The following DIAPH3 variants were observed in gnomAD, a reference collection of about 807,000 sequenced individuals.
DIAPH3 encodes diaphanous related formin 3, also known as protein diaphanous homolog 3.
Under a neutral mutation model 144.3 loss-of-function variants are expected in DIAPH3, and 117 were observed. The ratio of observed to expected loss-of-function variants is 0.81; its 90% CI spans 0.70 to 0.95. DIAPH3 has a LOEUF of 0.95. Ranked by LOEUF, DIAPH3 falls within the 40% of genes least tolerant of loss-of-function variation. The pLI, the probability that DIAPH3 is intolerant of heterozygous loss-of-function variation, is 0.00. For missense variants in DIAPH3, 1,421 were observed against 1,412.7 expected (o/e 1.01, Z -0.09); for synonymous variants, 519 against 488.9 (o/e 1.06, Z -0.81).
At chr13:59,755,286 AC>A (rs1314926144) in intron 27 of DIAPH3, among the ~76,000 whole-genome samples, 1 of 152,178 alleles carries the variant, frequency 6.6e-6, no homozygotes, top group Non-Finnish European at 1.5e-5. Flanking sequence ...AGGTAGAATC[AC>A]CCACATGGTG....
At chr13:60,096,565 G>A (rs1179768196) in intron 3 of DIAPH3, among the ~76,000 whole-genome samples, 1 of 152,212 alleles carries the variant, frequency 6.6e-6, no homozygotes, top group African/African-American at 2.4e-5. Context: ...TCTTTCAGAA[G>A]AGATTGGCAC....
intron 17 of DIAPH3, among the ~76,000 whole-genome samples, chr13:59,958,919 A>G (rs545926551): frequency 3.9e-4 from 48 of 123,422 alleles, no homozygotes; most frequent in Admixed American, 1.1e-3. Context: ...CCTGTTGCCC[A>G]GGCTGGAGAG....
rs71089516 is a variant in DIAPH3 at position 59,802,667 on chromosome 13, ATTTTT to A, written c.3163+8116_3163+8120del. Among the ~76,000 whole-genome samples the A allele has an allele frequency of 9.3e-4, 22 of 23,766 alleles. 1 individual carries two copies. Among genetic ancestry groups the A allele is most frequent in the Admixed American group, 7.9e-3 (8 of 1,014 alleles). The allele number at this position is 23,766 out of a possible 152,430, so 15.6% of individuals were successfully genotyped here. ...CTATATTATTATTATTATTATTATT[ATTTTT>A]TTTTTTTTTTTTTTTTTTTTGAGAC... On this transcript the variant is annotated intron_variant, in intron 25 of 27. Transcript: ENST00000400324.
chr13:59,684,771 G>T (rs9528027), intron 27 of DIAPH3, among the ~76,000 whole-genome samples: 144,623 of 152,232 alleles, frequency 0.95, 69,114 homozygotes, highest in East Asian at 1. Context: ...TGTCTTTCAA[G>T]GTTGTACAAA....
intron 14 of DIAPH3, among the ~76,000 whole-genome samples, chr13:59,975,681 C>A (rs1318352200): frequency 6.6e-6 from 1 of 152,022 alleles, no homozygotes; most frequent in African/African-American, 2.4e-5. Context: ...ATTACAAAAA[C>A]TCTGTGAAAT....
intron 9 of DIAPH3, among the ~76,000 whole-genome samples, chr13:60,000,490 G>C (rs2052457944): frequency 1.3e-5 from 2 of 151,570 alleles, no homozygotes; most frequent in African/African-American, 4.8e-5. Flanking sequence ...ACAAGATCTG[G>C]GTCATCTTTA....
intron 17 of DIAPH3, among the ~76,000 whole-genome samples, chr13:59,937,903 G>A (rs2048340905): frequency 6.6e-6 from 1 of 151,866 alleles, no homozygotes; most frequent in African/African-American, 2.4e-5. Context: ...AGGAGGAGAA[G>A]GTAGAGACAA....
intron 27 of DIAPH3, among the ~76,000 whole-genome samples, chr13:59,700,822 T>C (rs1416680283): frequency 1.3e-5 from 2 of 152,210 alleles, no homozygotes; most frequent in African/African-American, 2.4e-5. Context: ...CCTTGTTAAA[T>C]CAACCATAAA....
In DIAPH3 at chr13:60,145,345, C is replaced by T. The variant is rs141722659; in HGVS notation, c.181-12356G>A. ...GATGATTACTAAATGATAACAACAA[C>T]ACTGACTACAAAACCACACCTTAAA... On this transcript the variant is annotated intron_variant, in intron 1 of 27. Coordinates refer to ENST00000400324, the MANE Select transcript of DIAPH3 (RefSeq NM_001042517.2). Among the ~76,000 whole-genome samples, 477 of 152,314 alleles carry T rather than the reference C, an allele frequency of 3.1e-3. 2 individuals are homozygous for T. Among genetic ancestry groups the T allele is most frequent in the African/African-American group, 0.011 (450 of 41,574 alleles).
At chr13:59,845,703 T>G (rs1424323532) in intron 22 of DIAPH3, among the ~76,000 whole-genome samples, 2 of 152,198 alleles carry the variant, frequency 1.3e-5, no homozygotes, top group Non-Finnish European at 2.9e-5. Context: ...TAACCATTCA[T>G]AATTTACAAG....
chr13:60,102,488 C>G (rs10400619), intron 3 of DIAPH3, among the ~76,000 whole-genome samples: 2 of 152,084 alleles, frequency 1.3e-5, no homozygotes, highest in Non-Finnish European at 2.9e-5. Flanking sequence ...TTTGCTCATC[C>G]TATTTTAGGA....
intron 27 of DIAPH3, among the ~76,000 whole-genome samples, chr13:59,687,875 C>T (rs916621444): frequency 6.6e-6 from 1 of 151,992 alleles, no homozygotes; most frequent in African/African-American, 2.4e-5. Context: ...ACAACTAAAA[C>T]TTTAATACTT....
At chr13:60,097,594 T>G (rs1305639548) in intron 3 of DIAPH3, among the ~76,000 whole-genome samples, 28 of 152,186 alleles carry the variant, frequency 1.8e-4, no homozygotes, top group South Asian at 2.1e-4. Flanking sequence ...GCCTCAGGTA[T>G]TCCTTTATGG....
chr13:59,907,662 G>A (rs961774552), intron 20 of DIAPH3, among the ~76,000 whole-genome samples: 16 of 152,158 alleles, frequency 1.1e-4, no homozygotes, highest in Non-Finnish European at 2.1e-4. Flanking sequence ...AACACCTTGA[G>A]AGCTATCCTG....
chr13:59,903,891 G>A (rs542480784), intron 20 of DIAPH3, among the ~76,000 whole-genome samples: 1 of 152,258 alleles, frequency 6.6e-6, no homozygotes, highest in Admixed American at 6.5e-5. Flanking sequence ...GCCATGTGCT[G>A]GGAATAGAAA....
At chr13:59,804,055 T>A (rs2040072455) in intron 25 of DIAPH3, among the ~76,000 whole-genome samples, 1 of 152,220 alleles carries the variant, frequency 6.6e-6, no homozygotes, top group Admixed American at 6.5e-5. Context: ...ACTTCTATTC[T>A]GAGTCAAACA....
chr13:60,088,421 C>T (rs1375757217), intron 4 of DIAPH3, among the ~76,000 whole-genome samples: 3 of 152,082 alleles, frequency 2.0e-5, no homozygotes, highest in Non-Finnish European at 4.4e-5. Context: ...ATCCTTACTC[C>T]CTCTCTGCCC....
intron 21 of DIAPH3, among the ~76,000 whole-genome samples, chr13:59,865,496 A>G (rs1205276433): frequency 1.3e-5 from 2 of 151,984 alleles, no homozygotes; most frequent in African/African-American, 2.4e-5. Flanking sequence ...GCTTGACAGG[A>G]TTTCTTTTGT....
intron 25 of DIAPH3, among the ~76,000 whole-genome samples, chr13:59,807,248 G>T (rs2040246104): frequency 6.6e-6 from 1 of 151,690 alleles, no homozygotes; most frequent in Non-Finnish European, 1.5e-5. Context: ...GGTTTTAGAA[G>T]AGGTCTTTCA....
Sources: allele counts gnomAD v4.1 joint callset (sites outside exome capture counted in the v4.1 genomes callset), GRCh38; gene constraint gnomAD v4.1.1; transcripts MANE v1.5; gene names NCBI Gene and HGNC (gene_info 2026-07-23, HGNC 2026-07-21).